KIAA1328: variants seen among roughly 807,000 people sequenced by gnomAD.
KIAA1328 encodes protein hinderin.
In KIAA1328, 52 loss-of-function variants were observed where a neutral mutation model predicts 68.1. The observed-to-expected ratio is 0.76, with a 90% CI of 0.61 to 0.96. KIAA1328 has a LOEUF of 0.96. Ranked by LOEUF, KIAA1328 falls within the 40% of genes least tolerant of loss-of-function variation. The probability of loss-of-function intolerance (pLI) is 0.00; values close to 1 mark genes in which losing one functional copy is unlikely to be tolerated. For missense variants in KIAA1328, 641 were observed against 677.6 expected (o/e 0.95, Z 0.60); for synonymous variants, 232 against 239.4 (o/e 0.97, Z 0.28).
intron 9 of KIAA1328, among the ~76,000 whole-genome samples, chr18:37,216,899 CTT>C (rs762745405): frequency 2.0e-4 from 18 of 90,340 alleles, no homozygotes; most frequent in East Asian, 3.3e-4. Context: ...TTCTTTGTCT[CTT>C]TTTTTTTTTT....
chr18:36,861,726 T>C (rs186708399), intron 4 of KIAA1328, among the ~76,000 whole-genome samples: 4 of 152,218 alleles, frequency 2.6e-5, no homozygotes, highest in South Asian at 4.2e-4. Context: ...GCTGAAGTAG[T>C]GATGTGATTA....
intron 9 of KIAA1328, among the ~76,000 whole-genome samples, chr18:37,194,850 G>A (rs1335217060): frequency 6.6e-6 from 1 of 151,966 alleles, no homozygotes; most frequent in Non-Finnish European, 1.5e-5. Context: ...TAGTAGAGAT[G>A]GGATTTCACC....
intron 5 of KIAA1328, among the ~76,000 whole-genome samples, chr18:36,919,406 A>T (rs17567737): frequency 0.14 from 20,706 of 152,070 alleles, 1,760 homozygotes; most frequent in Admixed American, 0.18. Flanking sequence ...ATACAGTCTA[A>T]CAATTCCTGC....
At chr18:36,899,901 A>T (rs2048982819) in intron 5 of KIAA1328, among the ~76,000 whole-genome samples, 1 of 151,952 alleles carries the variant, frequency 6.6e-6, no homozygotes, top group Non-Finnish European at 1.5e-5. Flanking sequence ...TTAATATTTA[A>T]TATATTGCAA....
chr18:36,924,825 C>A (rs1022542901), intron 5 of KIAA1328: 2 of 151,686 alleles, frequency 1.3e-5, no homozygotes, highest in African/African-American at 4.8e-5. Context: ...CCAAAAGAAC[C>A]CAAAGAAGAT....
chr18:37,156,870 G>A (rs1699054), intron 7 of KIAA1328, among the ~76,000 whole-genome samples: 40,111 of 151,980 alleles, frequency 0.26, 8,263 homozygotes, highest in African/African-American at 0.58. Flanking sequence ...TGAACTAGAA[G>A]AATCTGTTTA....
At chr18:37,048,680 T>C (rs984626358) in intron 6 of KIAA1328, among the ~76,000 whole-genome samples, 3 of 152,188 alleles carry the variant, frequency 2.0e-5, no homozygotes, top group African/African-American at 7.2e-5. Context: ...TAAAAAGCCA[T>C]AAAGATCCCT....
intron 7 of KIAA1328, among the ~76,000 whole-genome samples, chr18:37,113,534 G>C (rs1041590509): frequency 6.6e-6 from 1 of 152,148 alleles, no homozygotes; most frequent in Non-Finnish European, 1.5e-5. Context: ...GGAACAACTG[G>C]TACCAGCCAC....
chr18:36,832,080 G>A (rs2046512409), intron 1 of KIAA1328, among the ~76,000 whole-genome samples: 1 of 152,120 alleles, frequency 6.6e-6, no homozygotes, highest in African/African-American at 2.4e-5. Flanking sequence ...TAATGTGTCT[G>A]TTTGACTTCC....
chr18:36,890,750 G>A (rs990347219), intron 5 of KIAA1328, among the ~76,000 whole-genome samples: 6 of 152,304 alleles, frequency 3.9e-5, no homozygotes, highest in African/African-American at 1.4e-4. Flanking sequence ...CAAAAGCAGA[G>A]TTGAACGAAT....
intron 9 of KIAA1328, among the ~76,000 whole-genome samples, chr18:37,183,975 G>C: frequency 6.6e-6 from 1 of 152,254 alleles, no homozygotes. Context: ...GGATGTGGAC[G>C]TTATGAGCAT....
At chr18:36,918,559 C>T (rs745405549) in intron 5 of KIAA1328, among the ~76,000 whole-genome samples, 17 of 151,810 alleles carry the variant, frequency 1.1e-4, no homozygotes, top group South Asian at 1.0e-3. Flanking sequence ...ATTACAGGTG[C>T]GCACCACCAT....
chr18:36,898,803 A>G (rs1405827821), intron 5 of KIAA1328, among the ~76,000 whole-genome samples: 1 of 151,886 alleles, frequency 6.6e-6, no homozygotes, highest in Non-Finnish European at 1.5e-5. Context: ...TTGTTTTTCC[A>G]TTGTTGAACT....
chr18:37,209,962 T>A (rs1413406494), intron 9 of KIAA1328, among the ~76,000 whole-genome samples: 5 of 152,170 alleles, frequency 3.3e-5, no homozygotes, highest in Non-Finnish European at 7.4e-5. Context: ...AGCAAAGGAC[T>A]GAGCCCTGGG....
chr18:37,216,891 CTTT>C (rs1264049124), intron 9 of KIAA1328, among the ~76,000 whole-genome samples: 2 of 102,036 alleles, frequency 2.0e-5, no homozygotes, highest in Non-Finnish European at 4.2e-5. Flanking sequence ...TGATTGCCTT[CTTT>C]GTCTCTTTTT....
At chr18:37,053,430 A>C (rs548934763) in intron 6 of KIAA1328, among the ~76,000 whole-genome samples, 1 of 152,344 alleles carries the variant, frequency 6.6e-6, no homozygotes, top group African/African-American at 2.4e-5. Context: ...GCCTAAGCAA[A>C]GAATTTATGA....
rs539577116 is a variant in KIAA1328 at position 37,083,013 on chromosome 18, G to A, written c.1232+15468G>A. On this transcript the variant is annotated intron_variant, in intron 7 of 9. Transcript: ENST00000280020. Reference sequence around the variant, plus strand: ...TCACCTTGAGAGAGTTATGTGCCTGGCCCAGCCCTCACTTTAGTAATTTAT... The same window carrying A: ...TCACCTTGAGAGAGTTATGTGCCTGACCCAGCCCTCACTTTAGTAATTTAT... 2.0e-5 allele frequency among the ~76,000 whole-genome samples: 3 copies of A among 152,226 alleles called. No homozygotes were observed. In the South Asian group the frequency reaches 6.2e-4, roughly 32 times the overall value.
chr18:37,167,548 G>A (rs952443778), intron 8 of KIAA1328, among the ~76,000 whole-genome samples: 7 of 152,016 alleles, frequency 4.6e-5, no homozygotes, highest in Non-Finnish European at 7.4e-5. Context: ...AATTCCCCTC[G>A]CTGTCTGCAT....
chr18:37,006,416 T>G (rs1311782693), intron 6 of KIAA1328, among the ~76,000 whole-genome samples: 1 of 152,146 alleles, frequency 6.6e-6, no homozygotes, highest in East Asian at 1.9e-4. Flanking sequence ...CGTCAGATTA[T>G]TTTACACCCC....
Sources: allele counts gnomAD v4.1 joint callset (sites outside exome capture counted in the v4.1 genomes callset), GRCh38; gene constraint gnomAD v4.1.1; transcripts MANE v1.5; gene names NCBI Gene and HGNC (gene_info 2026-07-23, HGNC 2026-07-21).